Variants in TET2 observed in about 807,000 individuals in gnomAD.
The protein encoded by TET2 is methylcytosine dioxygenase TET2.
In TET2, 299 loss-of-function variants were observed where a neutral mutation model predicts 142.9. The ratio of observed to expected loss-of-function variants is 2.09; its 90% CI spans 1.90 to 2.30. The LOEUF (loss-of-function observed/expected upper bound fraction) is 2.30, where lower values mean the gene tolerates loss of function less well. Among genes scored for constraint, TET2 ranks in the 30% most tolerant of loss-of-function variants. The probability of loss-of-function intolerance (pLI) is 0.00; values close to 1 mark genes in which losing one functional copy is unlikely to be tolerated. For synonymous variants in TET2, 819 were observed against 849.0 expected (o/e 0.96, Z 0.61); for missense variants, 2,418 against 2,378.0 (o/e 1.02, Z -0.35).
In TET2 at chr4:105,237,061, T is replaced by TA; in HGVS notation, c.3120dup (p.Phe1041IlefsTer2). 6.2e-7 allele frequency: 1 copy of TA among 1,614,146 alleles called. No individual in the cohort carries two copies. The highest frequency in any genetic ancestry group is 2.2e-5 in the East Asian group (1 of 44,868). ...CTGAAGCAGTTTCACGCCAAGTCGT[T>TA]ATTTGACCATAAGGCTCTTACTCTC... On this transcript the variant is annotated frameshift_variant, in exon 3 of 11. Coordinates refer to ENST00000380013, the MANE Select transcript of TET2 (RefSeq NM_001127208.3). LOFTEE classifies it high-confidence loss of function.
At chr4:105,243,428 G>A (rs980625149) in intron 5 of TET2, 142 bp from the exon 6 acceptor site, 1 of 763,816 alleles carries the variant, frequency 1.3e-6, no homozygotes, top group African/African-American at 1.7e-5. Context: ...AGGCACATTG[G>A]ACATGCTGAT....
chr4:105,269,588 C>G (rs2110300123), intron 8 of TET2, 22 bp from the exon 9 acceptor site: 1 of 1,550,432 alleles, frequency 6.4e-7, no homozygotes, highest in East Asian at 2.4e-5. Flanking sequence ...CTTTCGCATT[C>G]ACACACACTT....
In TET2 at chr4:105,235,795, AAGCTT is replaced by A; in HGVS notation, c.1855_1859del (p.Ala619HisfsTer17). 6.2e-7 allele frequency: 1 copy of A among 1,614,130 alleles called. No homozygotes were observed. Among genetic ancestry groups the A allele is most frequent in the Non-Finnish European group, 8.5e-7 (1 of 1,180,024 alleles). ...AACATGCCTGGGGGGCTCCCAAGGC[AAGCTT>A]ACACCCAGAAAACAACACAGCTGGA... On this transcript the variant is annotated frameshift_variant, in exon 3 of 11. Coordinates refer to ENST00000380013, the MANE Select transcript of TET2 (RefSeq NM_001127208.3). LOFTEE classifies it high-confidence loss of function.
chr4:105,174,842 AT>A (rs1474733748), intron 1 of TET2, among the ~76,000 whole-genome samples: 2 of 152,212 alleles, frequency 1.3e-5, no homozygotes, highest in Admixed American at 1.3e-4. Context: ...AAGTGAAACT[AT>A]TTTACCAGAG....
At position 105,235,098 on chromosome 4, in the gene TET2, G is replaced by GT. The variant is rs1163491708; in HGVS notation, c.1157dup (p.Phe387ValfsTer3). The stretch of plus-strand genomic sequence containing the variant: ...TGGTGCTTACTTCAAGCAAAGCTCA[G>GT]TGTTCACTAAGGATTCCTTTTCTGC... On this transcript the variant is annotated frameshift_variant, in exon 3 of 11. Transcript: ENST00000380013. LOFTEE classifies it high-confidence loss of function. 6.2e-7 allele frequency: 1 copy of GT among 1,613,916 alleles called. No homozygotes were observed. The highest frequency in any genetic ancestry group is 8.5e-7 in the Non-Finnish European group (1 of 1,179,994).
chr4:105,168,833 T>C (rs186407442), intron 1 of TET2, among the ~76,000 whole-genome samples: 244 of 152,300 alleles, frequency 1.6e-3, no homozygotes, highest in African/African-American at 5.2e-3. Context: ...TGAGAACATA[T>C]GATGTTTGGT....
Position 105,237,152 on chromosome 4 carries a change from T to G in TET2, c.3210T>G (p.Thr1070=), listed in dbSNP as rs754910412. Residue 1070 remains threonine (T), a synonymous_variant, in exon 3 of 11, where the codon ACT becomes ACG. Transcript: ENST00000380013. ...GPVTVLTRQT[T]AAELDSHTPA... is the part of the protein sequence containing the mutation. Reference sequence around the variant, plus strand: ...TCACAGTTTTGACTAGACAAACCACTGCTGCAGAACTTGATAGCCACACCC... The same window carrying G: ...TCACAGTTTTGACTAGACAAACCACGGCTGCAGAACTTGATAGCCACACCC... 18 of 1,614,152 alleles carry G rather than the reference T, an allele frequency of 1.1e-5. No homozygotes were observed. The South Asian group carries it at 2.0e-4, about 18-fold the overall frequency.
intron 6 of TET2, among the ~76,000 whole-genome samples, chr4:105,252,386 T>C (rs1212458285): frequency 6.6e-6 from 1 of 152,198 alleles, no homozygotes; most frequent in Non-Finnish European, 1.5e-5. Context: ...TATTCCATTG[T>C]CTGGTTTATC....
intron 1 of TET2, among the ~76,000 whole-genome samples, chr4:105,166,380 TTTTA>T (rs1200949361): frequency 6.6e-6 from 1 of 152,112 alleles, no homozygotes; most frequent in African/African-American, 2.4e-5. Flanking sequence ...AATTGCATTT[TTTTA>T]TTCTTGTTGA....
intron 8 of TET2, among the ~76,000 whole-genome samples, chr4:105,262,630 C>T (rs1037562677): frequency 2.0e-5 from 3 of 152,140 alleles, no homozygotes; most frequent in African/African-American, 7.2e-5. Context: ...ACCTTTAATC[C>T]CAACACTTTG....
At chr4:105,264,086 C>T (rs1354342776) in intron 8 of TET2, among the ~76,000 whole-genome samples, 1 of 48,322 alleles carries the variant, frequency 2.1e-5, no homozygotes, top group Non-Finnish European at 4.0e-5. Flanking sequence ...CCACTGTGGA[C>T]TTTAACGTCC....
At chr4:105,187,371 C>G (rs1385989026) in intron 1 of TET2, among the ~76,000 whole-genome samples, 1 of 152,122 alleles carries the variant, frequency 6.6e-6, no homozygotes, top group Non-Finnish European at 1.5e-5. Flanking sequence ...GGCAATAACC[C>G]TCTTCTAATC....
At position 105,235,218 on chromosome 4, in the gene TET2, C is replaced by G. The variant is rs1728776849; in HGVS notation, c.1276C>G (p.Leu426Val). The G allele has an allele frequency of 6.2e-7, 1 of 1,613,974 alleles. No individual in the cohort carries two copies. Among genetic ancestry groups the G allele is most frequent in the African/African-American group, 1.3e-5 (1 of 74,904 alleles). The change falls in exon 3 of 11, where the codon CTG becomes GTG. Residue 426 changes from leucine (L) to valine (V), a missense_variant. Physicochemically the swap from Leu to Val is conservative, Grantham distance 32 (BLOSUM62 1). Coordinates refer to ENST00000380013, the MANE Select transcript of TET2 (RefSeq NM_001127208.3). Reference protein sequence around the residue: ...PQLPSEGKSTLNGGVLEEHHH... With the variant: ...PQLPSEGKSTVNGGVLEEHHH... ...GCTTCCTTCAGAAGGAAAAAGCACT[C>G]TGAATGGTGGAGTTTTAGAAGAACA...
chr4:105,155,064 T>G (rs559944965), intron 1 of TET2, among the ~76,000 whole-genome samples: 1 of 152,288 alleles, frequency 6.6e-6, no homozygotes, highest in Non-Finnish European at 1.5e-5. Flanking sequence ...TTGTTTAAAT[T>G]ACTACAAAGT....
In TET2 at chr4:105,192,352, CAT is replaced by C. The variant is rs370156333; in HGVS notation, c.-47+1850_-47+1851del. ...ACAGTTGGATAAGCTCAGCCCTTGA[CAT>C]ATTTTCAATAGCAAATAAGCCTAGA... is the stretch of plus-strand genomic sequence containing the variant. On this transcript the variant is annotated intron_variant, in intron 2 of 10. Transcript: ENST00000380013. 2.8e-3 allele frequency among the ~76,000 whole-genome samples: 432 copies of C among 152,234 alleles called. 1 individual carries two copies. The highest frequency in any genetic ancestry group is 0.01 in the African/African-American group (418 of 41,544).
At position 105,241,406 on chromosome 4, in the gene TET2, T is replaced by A. The variant is rs2110249154; in HGVS notation, c.3477T>A (p.Ala1159=). 6.5e-7 allele frequency: 1 copy of A among 1,550,226 alleles called. No homozygotes were observed. ...TAGGAGCAGGTCCTAATGTGGCAGC[T>A]ATTAGAGAAATCATGGAAGAAAGGT... ...THLGAGPNVA[A]IREIMEERFG... Residue 1159 remains alanine, a synonymous_variant, in exon 4 of 11, where the codon GCT becomes GCA. Transcript: ENST00000380013.
chr4:105,209,080 T>C (rs1290770906), intron 2 of TET2, among the ~76,000 whole-genome samples: 1 of 115,138 alleles, frequency 8.7e-6, no homozygotes, highest in Non-Finnish European at 1.8e-5. Context: ...TATATATATA[T>C]ATATATATAT....
rs1224419124 is a variant in TET2 at position 105,186,473 on chromosome 4, C to CTT, written c.-192-3868_-192-3867dup. ...ATAAGCTGACTGTATTTTGCATTTT[C>CTT]TTTTTTTTTTTTTTTTTTTTGAGAT... is the stretch of plus-strand genomic sequence containing the variant. On this transcript the variant is annotated intron_variant, in intron 1 of 10. Transcript: ENST00000380013. 5.6e-3 allele frequency among the ~76,000 whole-genome samples: 642 copies of CTT among 115,084 alleles called. 16 individuals carry two copies. Among genetic ancestry groups the CTT allele is most frequent in the South Asian group, 0.015 (56 of 3,620 alleles). 75.5% of individuals were successfully genotyped at this position (115,084 alleles called of 152,430 possible).
At chr4:105,204,236 C>T (rs867284049) in intron 2 of TET2, among the ~76,000 whole-genome samples, 14 of 107,386 alleles carry the variant, frequency 1.3e-4, no homozygotes, top group South Asian at 5.3e-4. Flanking sequence ...AAAATATATA[C>T]ACACACACAC....
Sources: gnomAD v4.1 joint callset for allele counts (sites outside exome capture counted in the v4.1 genomes callset) on GRCh38, gnomAD v4.1.1 for gene constraint, MANE v1.5 for transcripts, NCBI Gene and HGNC (gene_info 2026-07-23, HGNC 2026-07-21) for gene names.